Variants in SCP2 observed in about 807,000 individuals in gnomAD.
SCP2 encodes sterol carrier protein 2, also known as SCP-2/3-oxoacyl-CoA thiolase.
SCP2 carries 48 observed loss-of-function variants against 71.4 expected under a neutral mutation model. The ratio of observed to expected loss-of-function variants is 0.67; its 90% CI spans 0.53 to 0.86. The LOEUF (loss-of-function observed/expected upper bound fraction) is 0.86. Ranked by LOEUF, SCP2 falls within the 40% of genes least tolerant of loss-of-function variation. The pLI is 0.00. For missense variants in SCP2, 560 were observed against 655.6 expected (o/e 0.85, Z 1.59); for synonymous variants, 220 against 218.1 (o/e 1.01, Z -0.08).
At chr1:52,941,940 C>A in intron 2 of SCP2, 87 bp downstream of exon 2, 1 of 935,594 alleles carries the variant, frequency 1.1e-6, no homozygotes, top group Non-Finnish European at 1.7e-6. Context: ...CTTGCAAGCA[C>A]AAAAGGAAGC....
intron 1 of SCP2, among the ~76,000 whole-genome samples, chr1:52,932,004 A>G (rs780276821): frequency 1.6e-4 from 24 of 152,218 alleles, no homozygotes; most frequent in Non-Finnish European, 3.1e-4. Flanking sequence ...AAAACAAAAT[A>G]TTCAATAGAA....
chr1:53,028,527 T>C (rs1461908701), intron 13 of SCP2, among the ~76,000 whole-genome samples: 1 of 152,034 alleles, frequency 6.6e-6, no homozygotes, highest in Non-Finnish European at 1.5e-5. Context: ...CTTAAAGTAG[T>C]TAAAAAATTT....
chr1:52,944,422 T>G (rs1446945311), intron 2 of SCP2, among the ~76,000 whole-genome samples: 1 of 152,208 alleles, frequency 6.6e-6, no homozygotes, highest in Non-Finnish European at 1.5e-5. Flanking sequence ...GCATGTCTGT[T>G]CTCCAAAAGG....
intron 8 of SCP2, 47 bp from the exon 9 acceptor site, chr1:52,978,170 C>A: frequency 6.3e-7 from 1 of 1,587,500 alleles, no homozygotes; most frequent in Non-Finnish European, 8.6e-7. Flanking sequence ...TGAAATCCTC[C>A]GATCAGGTGC....
rs1664179209 is a variant in SCP2, at chr1:53,051,226, G to GA, written c.*525dup. ...AAAAATTTTGCATTTCATGCTATCA[G>GA]AAACAGTATTTTCTTCCCAAATCAA... On this transcript the variant is annotated 3_prime_UTR_variant, in exon 16 of 16. Transcript: ENST00000371514. 6.6e-6 allele frequency: 1 copy of GA among 152,298 alleles called. No individual in the cohort carries two copies. The highest frequency in any genetic ancestry group is 2.4e-5 in the African/African-American group (1 of 41,432). The allele number at this position is 152,298 out of a possible 1,614,324, so 9.4% of individuals were successfully genotyped here.
intron 6 of SCP2, among the ~76,000 whole-genome samples, chr1:52,968,737 G>C (rs1285576198): frequency 6.6e-6 from 1 of 152,128 alleles, no homozygotes; most frequent in Non-Finnish European, 1.5e-5. Context: ...TAAATGTACA[G>C]TTGGCCCTTG....
At chr1:53,050,143 C>T (rs1190184293) in intron 15 of SCP2, 2 of 163,774 alleles carry the variant, frequency 1.2e-5, no homozygotes, top group African/African-American at 2.4e-5. Flanking sequence ...TCATTCTCAG[C>T]AGGCTCTGTG....
At chr1:52,981,735 A>C (rs1192355781) in intron 10 of SCP2, among the ~76,000 whole-genome samples, 1 of 151,190 alleles carries the variant, frequency 6.6e-6, no homozygotes, top group Non-Finnish European at 1.5e-5. Flanking sequence ...CTCACTGATA[A>C]TTTTTTTATG....
intron 12 of SCP2, among the ~76,000 whole-genome samples, chr1:53,018,839 T>C (rs1243419032): frequency 1.3e-5 from 2 of 152,162 alleles, no homozygotes; most frequent in African/African-American, 2.4e-5. Context: ...AATATATTTA[T>C]AAAATATACT....
At chr1:52,939,973 A>G (rs766168964) in intron 1 of SCP2, among the ~76,000 whole-genome samples, 10 of 152,142 alleles carry the variant, frequency 6.6e-5, no homozygotes, top group Non-Finnish European at 4.4e-5. Flanking sequence ...CCCAACCTGT[A>G]CATGTTTAGT....
intron 11 of SCP2, chr1:52,995,207 A>G: frequency 8.0e-6 from 4 of 500,228 alleles, no homozygotes; most frequent in Non-Finnish European, 1.6e-5. Flanking sequence ...TGCATCATGA[A>G]CACCCTCAGT....
At chr1:52,961,066 C>CTTTTTTTTTTTTTTT in intron 5 of SCP2, among the ~76,000 whole-genome samples, 1 of 92,194 alleles carries the variant, frequency 1.1e-5, no homozygotes, top group Non-Finnish European at 2.3e-5. Context: ...TCCTTTGGTT[C>CTTTTTTTTTTTTTTT]TTTTTTTTTT....
intron 6 of SCP2, among the ~76,000 whole-genome samples, chr1:52,972,798 C>T (rs1187584874): frequency 6.6e-6 from 1 of 152,180 alleles, no homozygotes; most frequent in Non-Finnish European, 1.5e-5. Flanking sequence ...TTAATTTCTT[C>T]TCTTAACTAC....
At position 52,980,521 on chromosome 1, in the gene SCP2, A is replaced by G. The variant is rs1224241294; in HGVS notation, c.951A>G (p.Glu317=). 6.2e-7 allele frequency: 1 copy of G among 1,614,054 alleles called. No homozygotes were observed. The highest frequency in any genetic ancestry group is 1.7e-5 in the Admixed American group (1 of 60,016). Reference sequence around the variant, plus strand: ...CTACCAACGAACTCCTTACTTATGAAGCACTGGGACTCTGTCCAGAAGGTA... The same window carrying G: ...CTACCAACGAACTCCTTACTTATGAGGCACTGGGACTCTGTCCAGAAGGTA... The part of the protein sequence containing the change: ...CFSTNELLTY[E]ALGLCPEGQG... Residue 317 remains glutamate (E), a synonymous_variant, in exon 10 of 16, where the codon GAA becomes GAG. Transcript: ENST00000371514.
intron 11 of SCP2, among the ~76,000 whole-genome samples, chr1:53,012,926 C>A (rs1661075073): frequency 6.6e-6 from 1 of 152,152 alleles, no homozygotes; most frequent in African/African-American, 2.4e-5. Flanking sequence ...AGCAGCGTAT[C>A]TAAGACCAGT....
At chr1:53,000,131 A>G (rs961450405) in intron 11 of SCP2, among the ~76,000 whole-genome samples, 12 of 151,568 alleles carry the variant, frequency 7.9e-5, no homozygotes, top group Non-Finnish European at 1.5e-5. Context: ...AAATGAATAA[A>G]TGTTGGACAT....
At chr1:52,985,230 G>A (rs1471348720) in intron 10 of SCP2, among the ~76,000 whole-genome samples, 1 of 152,088 alleles carries the variant, frequency 6.6e-6, no homozygotes, top group African/African-American at 2.4e-5. Flanking sequence ...CTTTTTAGGG[G>A]TTTCTTTGGA....
chr1:52,980,366 C>A (rs1658374520), intron 9 of SCP2, 30 bp from the exon 10 acceptor site: 1 of 1,605,310 alleles, frequency 6.2e-7, no homozygotes, highest in Non-Finnish European at 8.5e-7. Flanking sequence ...AGTTTTGGTG[C>A]CCTTTATTTA....
intron 6 of SCP2, among the ~76,000 whole-genome samples, chr1:52,970,682 T>C (rs999893994): frequency 6.6e-6 from 1 of 152,094 alleles, no homozygotes; most frequent in Non-Finnish European, 1.5e-5. Context: ...GTCTTTCTTT[T>C]CTTGGTAGTT....
Sources: allele counts gnomAD v4.1 joint callset (sites outside exome capture counted in the v4.1 genomes callset), GRCh38; gene constraint gnomAD v4.1.1; transcripts MANE v1.5; gene names NCBI Gene and HGNC (gene_info 2026-07-23, HGNC 2026-07-21).